Variants in MPP7 observed in about 807,000 individuals in gnomAD.
The protein encoded by MPP7 is MAGUK p55 scaffold protein 7, also known as MAGUK p55 subfamily member 7.
Under a neutral mutation model 76.5 loss-of-function variants are expected in MPP7, and 60 were observed. The ratio of observed to expected loss-of-function variants is 0.78; its 90% CI spans 0.64 to 0.97. MPP7 has a LOEUF of 0.97. Among genes scored for constraint, MPP7 ranks in the 50% least tolerant of loss-of-function variants. The pLI is 0.00. For missense variants in MPP7, 641 were observed against 694.0 expected (o/e 0.92, Z 0.86); for synonymous variants, 237 against 244.5 (o/e 0.97, Z 0.29).
In MPP7 at chr10:28,058,559, C is replaced by T. The variant is rs1436899382; in HGVS notation, c.1343G>A (p.Ser448Asn). ...GEYKNNYYGT[S>N]IDSVRSVLAK... The stretch of plus-strand genomic sequence containing the variant: ...AAGGACAGACCGAACTGAGTCTATA[C>T]TTGTGCCGTAGTAGTTGTTTTTATA... The change falls in exon 15 of 17, where the codon AGT becomes AAT. Residue 448 changes from serine (S) to asparagine (N), a missense_variant. Transcript: ENST00000683449. 1 of 1,605,030 alleles carries T rather than the reference C, an allele frequency of 6.2e-7. No individual in the cohort carries two copies. The highest frequency in any genetic ancestry group is 1.1e-5 in the South Asian group (1 of 89,516).
chr10:28,124,319 A>T (rs1456138898), intron 7 of MPP7, among the ~76,000 whole-genome samples: 1 of 152,222 alleles, frequency 6.6e-6, no homozygotes, highest in Non-Finnish European at 1.5e-5. Flanking sequence ...ATGCTGGCCA[A>T]GAAATGGTAA....
intron 1 of MPP7, among the ~76,000 whole-genome samples, chr10:28,279,500 G>A (rs11006982): frequency 0.097 from 14,779 of 151,846 alleles, 914 homozygotes; most frequent in South Asian, 0.16. Context: ...AGGCCGAGGC[G>A]GGTGGATCAC....
chr10:28,056,277 C>T (rs1851551391), intron 16 of MPP7, among the ~76,000 whole-genome samples: 2 of 152,170 alleles, frequency 1.3e-5, no homozygotes, highest in African/African-American at 4.8e-5. Flanking sequence ...CCCACCTCCG[C>T]CTCCCAAGTA....
chr10:28,163,594 T>TA (rs1836337862), intron 3 of MPP7, among the ~76,000 whole-genome samples: 1 of 152,036 alleles, frequency 6.6e-6, no homozygotes. Context: ...TAAATCAGGT[T>TA]AAAAAAATAG....
chr10:28,087,562 ATTTTT>A lies in MPP7; in HGVS notation c.1123+2104_1123+2108del, dbSNP rs1853078882. Among the ~76,000 whole-genome samples, 7 of 152,090 alleles carry A rather than the reference ATTTTT, an allele frequency of 4.6e-5. No individual in the cohort carries two copies. The South Asian group carries it at 1.5e-3, about 32-fold the overall frequency. ...AGGCGCCTGCCACTACACCTGACTAATTTTTATACTATTAGTAGAGACAGGGTCTT... is the reference window on the plus strand; with the variant it reads ...AGGCGCCTGCCACTACACCTGACTAAATACTATTAGTAGAGACAGGGTCTT... On this transcript the variant is annotated intron_variant, in intron 12 of 16. Transcript: ENST00000683449.
chr10:28,139,387 C>T (rs190669818), intron 5 of MPP7, among the ~76,000 whole-genome samples: 1 of 152,284 alleles, frequency 6.6e-6, no homozygotes, highest in East Asian at 1.9e-4. Context: ...GAGAAGTTTG[C>T]TGTTTACTCA....
At chr10:28,270,244 G>A (rs991879481) in intron 1 of MPP7, among the ~76,000 whole-genome samples, 1 of 152,224 alleles carries the variant, frequency 6.6e-6, no homozygotes, top group Non-Finnish European at 1.5e-5. Flanking sequence ...TCAGCAGAGA[G>A]AATTGCTGAC....
chr10:28,155,994 TGTAC>T (rs1269695665), intron 3 of MPP7, among the ~76,000 whole-genome samples: 2 of 152,274 alleles, frequency 1.3e-5, no homozygotes, highest in East Asian at 3.9e-4. Flanking sequence ...ATAGGCCCAT[TGTAC>T]GTTAGAGATT....
At chr10:28,301,504 AC>A (rs1841154622) in intron 1 of MPP7, among the ~76,000 whole-genome samples, 1 of 152,210 alleles carries the variant, frequency 6.6e-6, no homozygotes, top group Non-Finnish European at 1.5e-5. Flanking sequence ...CTTGAAAATA[AC>A]CATCTCCACC....
chr10:28,312,687 A>G (rs1310834686), intron 2 of MPP7, among the ~76,000 whole-genome samples: 1 of 152,230 alleles, frequency 6.6e-6, no homozygotes, highest in African/African-American at 2.4e-5. Context: ...AAAAAAATAC[A>G]TAGTGAGATG....
In MPP7 at chr10:28,319,730, C is replaced by G. The variant is rs140405801; in HGVS notation, c.-132+10199G>C. On this transcript the variant is annotated intron_variant, in intron 2 of 11. Coordinates refer to the MPP7 transcript ENST00000441595. Reference sequence around the variant, plus strand: ...GTAGCTTATGTCTGTAATCCCAGCACTTTGGGAGGCCAACGCAGGTGGATC... The same window carrying G: ...GTAGCTTATGTCTGTAATCCCAGCAGTTTGGGAGGCCAACGCAGGTGGATC... Among the ~76,000 whole-genome samples the G allele has an allele frequency of 2.4e-3, 364 of 152,296 alleles. 1 individual carries two copies. The highest frequency in any genetic ancestry group is 8.5e-3 in the African/African-American group (352 of 41,566).
intron 2 of MPP7, among the ~76,000 whole-genome samples, chr10:28,208,992 T>C (rs10763649): frequency 0.17 from 26,529 of 151,812 alleles, 2,937 homozygotes; most frequent in East Asian, 0.56. Context: ...TTTGTTTAAG[T>C]GTGGCACCTC....
chr10:28,186,347 G>GAAA (rs34114065), intron 3 of MPP7, among the ~76,000 whole-genome samples: 2 of 134,878 alleles, frequency 1.5e-5, no homozygotes, highest in Non-Finnish European at 3.1e-5. Flanking sequence ...CTCCATCTCA[G>GAAA]AAAAAAAAAA....
chr10:28,239,875 T>C (rs547803832), intron 1 of MPP7, among the ~76,000 whole-genome samples: 1 of 152,306 alleles, frequency 6.6e-6, no homozygotes, highest in Non-Finnish European at 1.5e-5. Flanking sequence ...ATTAGAACTA[T>C]TTGGTAATTA....
chr10:28,226,768 T>C (rs776111482), intron 2 of MPP7, among the ~76,000 whole-genome samples: 50 of 152,204 alleles, frequency 3.3e-4, no homozygotes, highest in Non-Finnish European at 5.6e-4. Flanking sequence ...CATTAACGGT[T>C]ACACTCCTTA....
At chr10:28,243,179 T>A (rs1839326074) in intron 1 of MPP7, among the ~76,000 whole-genome samples, 1 of 152,130 alleles carries the variant, frequency 6.6e-6, no homozygotes, top group Non-Finnish European at 1.5e-5. Context: ...AGTCCATACT[T>A]TCAAGGGAAA....
chr10:28,161,742 A>C (rs1688785502), intron 3 of MPP7, among the ~76,000 whole-genome samples: 1 of 152,196 alleles, frequency 6.6e-6, no homozygotes, highest in Non-Finnish European at 1.5e-5. Flanking sequence ...TTTATTTTCT[A>C]AGAAAATTAT....
chr10:28,138,548 G>A (rs143644217), intron 5 of MPP7, among the ~76,000 whole-genome samples: 10 of 152,206 alleles, frequency 6.6e-5, no homozygotes, highest in African/African-American at 2.4e-4. Context: ...TTTTCAATAT[G>A]GCAATTGACT....
rs536125703 is a variant in MPP7, at chr10:28,168,708, C to T, written c.157-18649G>A. On this transcript the variant is annotated intron_variant, in intron 3 of 16. Coordinates refer to ENST00000683449, the MANE Select transcript of MPP7 (RefSeq NM_001318170.2). ...TAATTTTTTGTATTTTTAGTAAACA[C>T]GGGGTTTCACCATGTTAGCCAGAAT... is the stretch of plus-strand genomic sequence containing the variant. 3.3e-5 allele frequency among the ~76,000 whole-genome samples: 5 copies of T among 152,094 alleles called. No individual in the cohort carries two copies. In the South Asian group the frequency reaches 6.2e-4, roughly 19 times the overall value.
Sources: allele counts gnomAD v4.1 joint callset (sites outside exome capture counted in the v4.1 genomes callset), GRCh38; gene constraint gnomAD v4.1.1; transcripts MANE v1.5; gene names NCBI Gene and HGNC (gene_info 2026-07-23, HGNC 2026-07-21).